ATP13A5: variants seen among roughly 807,000 people sequenced by gnomAD.
The protein encoded by ATP13A5 is ATPase 13A5, also known as probable cation-transporting ATPase 13A5.
In ATP13A5, 149 loss-of-function variants were observed where a neutral mutation model predicts 150.2. That is an observed-to-expected ratio of 0.99 (90% CI 0.87 to 1.14). The LOEUF (loss-of-function observed/expected upper bound fraction) is 1.14. Among genes scored for constraint, ATP13A5 ranks in the 50% most tolerant of loss-of-function variants. The probability of loss-of-function intolerance (pLI) is 0.00; values close to 1 mark genes in which losing one functional copy is unlikely to be tolerated. For missense variants in ATP13A5, 1,383 were observed against 1,449.3 expected, an observed-to-expected ratio of 0.95 and a Z score of 0.74; for synonymous variants, 497 against 522.2, an observed-to-expected ratio of 0.95 and a Z score of 0.66.
At chr3:193,313,914 TG>T in intron 19 of ATP13A5, 118 bp downstream of exon 19, 1 of 1,197,614 alleles carries the variant, frequency 8.3e-7, no homozygotes, top group Non-Finnish European at 1.2e-6. Flanking sequence ...TGTCAAACTC[TG>T]GACAGATGTG....
At chr3:193,316,377 A>G (rs1172214988) in intron 17 of ATP13A5, among the ~76,000 whole-genome samples, 3 of 152,142 alleles carry the variant, frequency 2.0e-5, no homozygotes, top group South Asian at 4.1e-4. Flanking sequence ...ATGTTTTAAA[A>G]AATTAAAAAC....
At chr3:193,378,153 A>T (rs1003821234) in intron 1 of ATP13A5, among the ~76,000 whole-genome samples, 4 of 152,150 alleles carry the variant, frequency 2.6e-5, no homozygotes, top group Non-Finnish European at 5.9e-5. Flanking sequence ...TGTTTAAAAT[A>T]TGTGTTAAAA....
intron 1 of ATP13A5, among the ~76,000 whole-genome samples, chr3:193,365,519 A>T (rs1469690850): frequency 6.6e-6 from 1 of 152,084 alleles, no homozygotes; most frequent in Non-Finnish European, 1.5e-5. Context: ...GTTCCCTCTG[A>T]TTCTATAAAC....
chr3:193,326,179 A>G (rs922853216), intron 13 of ATP13A5, among the ~76,000 whole-genome samples: 1 of 152,172 alleles, frequency 6.6e-6, no homozygotes, highest in Admixed American at 6.5e-5. Flanking sequence ...GTTGGCACCA[A>G]AATAGGGTAC....
At chr3:193,334,063 C>T (rs537126802) in intron 10 of ATP13A5, among the ~76,000 whole-genome samples, 156 bp from the exon 11 acceptor site, 1 of 152,214 alleles carries the variant, frequency 6.6e-6, no homozygotes, top group Admixed American at 6.5e-5. Context: ...GATTTTTAAC[C>T]ATGAGCTTCC....
intron 1 of ATP13A5, among the ~76,000 whole-genome samples, chr3:193,378,080 G>A (rs1265721916): frequency 7.0e-6 from 1 of 143,140 alleles, no homozygotes; most frequent in Non-Finnish European, 1.5e-5. Flanking sequence ...TTAAATGTGT[G>A]TGTGTGTGTG....
intron 8 of ATP13A5, 56 bp downstream of exon 8, chr3:193,344,947 G>T: frequency 1.4e-6 from 2 of 1,471,828 alleles, no homozygotes; most frequent in Non-Finnish European, 1.9e-6. Context: ...GGACAAATGA[G>T]ACCAATTCCC....
chr3:193,281,748 AC>A (rs1717505556), intron 27 of ATP13A5, among the ~76,000 whole-genome samples: 1 of 152,128 alleles, frequency 6.6e-6, no homozygotes, highest in South Asian at 2.1e-4. Flanking sequence ...TTGTTAGCAT[AC>A]CTGTATGCTA....
At chr3:193,372,312 A>AAGT (rs57458521) in intron 1 of ATP13A5, 3 of 73,168 alleles carry the variant, frequency 4.1e-5, no homozygotes, top group African/African-American at 1.1e-4. Context: ...AAAAAAAAAA[A>AAGT]GGGGGAAGTT....
At chr3:193,290,480 T>C (rs903794850) in intron 25 of ATP13A5, among the ~76,000 whole-genome samples, 2 of 152,050 alleles carry the variant, frequency 1.3e-5, no homozygotes, top group Non-Finnish European at 2.9e-5. Context: ...ATAGCCAGAT[T>C]CATCTTCATA....
chr3:193,358,861 C>T (rs1176102686), intron 5 of ATP13A5, among the ~76,000 whole-genome samples: 2 of 152,056 alleles, frequency 1.3e-5, no homozygotes, highest in South Asian at 2.1e-4. Flanking sequence ...ACAAAGAAAC[C>T]GAGTGCAGGA....
At chr3:193,276,709 ATTTG>A (rs1374295715) in intron 29 of ATP13A5, 37 bp downstream of exon 29, 56 of 1,426,868 alleles carry the variant, frequency 3.9e-5, no homozygotes, top group Non-Finnish European at 5.0e-5. Context: ...GAGATCCTTA[ATTTG>A]TTTATCTTCC....
At chr3:193,335,250 TG>T in intron 9 of ATP13A5, 151 bp from the exon 10 acceptor site, 4 of 663,186 alleles carry the variant, frequency 6.0e-6, no homozygotes, top group Non-Finnish European at 1.0e-5. Flanking sequence ...GAGATGCTGG[TG>T]GTACAAGCAA....
intron 1 of ATP13A5, 52 bp from the exon 2 acceptor site, chr3:193,364,332 A>G (rs762423023): frequency 2.5e-6 from 4 of 1,577,096 alleles, no homozygotes; most frequent in Non-Finnish European, 3.4e-6. Context: ...TCACATAAAC[A>G]TATTATTTTC....
chr3:193,339,554 A>C (rs1326999296), intron 9 of ATP13A5, among the ~76,000 whole-genome samples: 1 of 152,210 alleles, frequency 6.6e-6, no homozygotes, highest in Non-Finnish European at 1.5e-5. Context: ...AGGTGTAAGA[A>C]GCTATAAAAT....
In ATP13A5 at chr3:193,290,174, G is replaced by T. The variant is rs556356916; in HGVS notation, c.2849-115C>A. The T allele has an allele frequency of 1.4e-5, 15 of 1,047,702 alleles. 1 individual carries two copies. The Middle Eastern group carries it at 9.6e-4, about 67-fold the overall frequency. The allele number at this position is 1,047,702 out of a possible 1,614,324, so 64.9% of individuals were successfully genotyped here. On this transcript the variant is annotated intron_variant, in intron 25 of 29. Coordinates refer to ENST00000342358, the MANE Select transcript of ATP13A5 (RefSeq NM_198505.4). ...ATTGGGATTCAGACTAAGCAAACAC[G>T]AACAGAAGATTTACACCTAGGTAAG...
intron 25 of ATP13A5, among the ~76,000 whole-genome samples, chr3:193,293,819 A>C (rs1441555032): frequency 3.9e-5 from 6 of 152,064 alleles, no homozygotes; most frequent in African/African-American, 4.8e-5. Context: ...AGACCCAGAA[A>C]AGATTAGGAG....
intron 28 of ATP13A5, chr3:193,277,739 T>G (rs1397443878): frequency 6.6e-5 from 10 of 152,252 alleles, no homozygotes. Context: ...GCAGAGAACC[T>G]GGCTCTTTTT....
intron 9 of ATP13A5, among the ~76,000 whole-genome samples, chr3:193,343,435 T>C (rs1712203665): frequency 6.6e-6 from 1 of 152,210 alleles, no homozygotes; most frequent in African/African-American, 2.4e-5. Flanking sequence ...GCGATCGTCT[T>C]TGCCCGGAGG....
Sources: allele counts gnomAD v4.1 joint callset (sites outside exome capture counted in the v4.1 genomes callset), GRCh38; gene constraint gnomAD v4.1.1; transcripts MANE v1.5; gene names NCBI Gene and HGNC (gene_info 2026-07-23, HGNC 2026-07-21).